NOP58: variants seen among roughly 807,000 people sequenced by gnomAD.
The protein encoded by NOP58 is nucleolar protein 58.
Under a neutral mutation model 71.2 loss-of-function variants are expected in NOP58, and 44 were observed. The observed-to-expected ratio is 0.62, with a 90% CI of 0.49 to 0.79. NOP58 has a LOEUF of 0.79. Ranked by LOEUF, NOP58 falls within the 30% of genes least tolerant of loss-of-function variation. NOP58 has a pLI of 0.00. For missense variants in NOP58, 538 were observed against 620.2 expected, an observed-to-expected ratio of 0.87 and a Z score of 1.41; for synonymous variants, 228 against 200.3, an observed-to-expected ratio of 1.14 and a Z score of -1.17.
At chr2:202,278,910 G>A (rs750785916) in intron 3 of NOP58, among the ~76,000 whole-genome samples, 3 of 152,162 alleles carry the variant, frequency 2.0e-5, no homozygotes, top group Non-Finnish European at 4.4e-5. Flanking sequence ...TGGCAGAGGG[G>A]TAGGCTGAAG....
intron 5 of NOP58, among the ~76,000 whole-genome samples, chr2:202,285,676 T>C (rs1057033864): frequency 6.6e-6 from 1 of 152,072 alleles, no homozygotes; most frequent in Non-Finnish European, 1.5e-5. Context: ...AACCCTATCA[T>C]ATTTCATTAG....
chr2:202,291,470 T>G (rs553613353), intron 8 of NOP58, 200 bp downstream of exon 8: 39 of 399,882 alleles, frequency 9.8e-5, no homozygotes, highest in African/African-American at 7.2e-4. Flanking sequence ...GGAAGTAATT[T>G]ACAATCATCG....
At chr2:202,285,989 TC>T (rs1424330654) in intron 5 of NOP58, among the ~76,000 whole-genome samples, 8 of 151,816 alleles carry the variant, frequency 5.3e-5, no homozygotes, top group Admixed American at 3.3e-4. Context: ...GGTCAGGAGA[TC>T]GAGACCACGG....
chr2:202,292,341 A>G (rs1183349102), intron 8 of NOP58, among the ~76,000 whole-genome samples: 2 of 152,044 alleles, frequency 1.3e-5, no homozygotes, highest in African/African-American at 2.4e-5. Context: ...ATTTTCAGGC[A>G]GTGGACCAAG....
At chr2:202,292,049 C>T (rs568887122) in intron 8 of NOP58, among the ~76,000 whole-genome samples, 18 of 122,550 alleles carry the variant, frequency 1.5e-4, no homozygotes, top group Admixed American at 3.3e-4. Context: ...TGCAGTGGCA[C>T]GTTCTCAGGC....
chr2:202,296,717 TTTTG>T lies in NOP58; in HGVS notation c.1072-634_1072-631del, dbSNP rs144056381. ...AGATTGAAAAAGAACCCACGCTTTT[TTTTG>T]TTTGTTTGTTTGTTTGTTTGTTTGT... On this transcript the variant is annotated intron_variant, in intron 10 of 14. Transcript: ENST00000264279. Among the ~76,000 whole-genome samples the T allele has an allele frequency of 6.9e-3, 1,036 of 149,190 alleles. 5 individuals carry two copies. Among genetic ancestry groups the T allele is most frequent in the East Asian group, 0.012 (61 of 5,048 alleles).
intron 12 of NOP58, 85 bp from the exon 13 acceptor site, chr2:202,300,149 C>A: frequency 8.6e-7 from 1 of 1,163,784 alleles, no homozygotes; most frequent in Admixed American, 2.4e-5. Context: ...TAAGTATTAT[C>A]TAATGGCATT....
chr2:202,288,874 A>G (rs1158456551), intron 6 of NOP58, among the ~76,000 whole-genome samples: 1 of 151,932 alleles, frequency 6.6e-6, no homozygotes, highest in Non-Finnish European at 1.5e-5. Context: ...ATCCTAGCAC[A>G]TTGGGAGGCC....
At chr2:202,285,980 G>A (rs984621285) in intron 5 of NOP58, among the ~76,000 whole-genome samples, 2 of 151,994 alleles carry the variant, frequency 1.3e-5, no homozygotes, top group Non-Finnish European at 2.9e-5. Flanking sequence ...AGATCACAAG[G>A]TCAGGAGATC....
At chr2:202,298,513 G>A (rs1489028564) in intron 12 of NOP58, among the ~76,000 whole-genome samples, 1 of 152,044 alleles carries the variant, frequency 6.6e-6, no homozygotes, top group East Asian at 1.9e-4. Context: ...TTAACTGGGT[G>A]TGGTGGCGGG....
At chr2:202,287,400 T>C (rs778891353) in intron 5 of NOP58, among the ~76,000 whole-genome samples, 86 of 152,140 alleles carry the variant, frequency 5.7e-4, no homozygotes, top group Admixed American at 1.3e-3. Flanking sequence ...CTTATCCTAT[T>C]TGTCATTCAT....
At chr2:202,283,444 A>AT (rs112839981) in intron 4 of NOP58, among the ~76,000 whole-genome samples, 22,221 of 134,594 alleles carry the variant, frequency 0.17, 1,903 homozygotes, top group South Asian at 0.25. Context: ...CCAACCTGTA[A>AT]TTTTTTTTTT....
chr2:202,299,214 T>C (rs1471023062), intron 12 of NOP58, among the ~76,000 whole-genome samples: 2 of 152,178 alleles, frequency 1.3e-5, no homozygotes, highest in South Asian at 2.1e-4. Flanking sequence ...CGCCTTGGCC[T>C]CCCAAAGTGC....
At position 202,297,895 on chromosome 2, in the gene NOP58, T is replaced by C. The variant is rs552656190; in HGVS notation, c.1257T>C (p.Tyr419=). 3.2e-5 allele frequency: 50 copies of C among 1,585,240 alleles called. No individual in the cohort carries two copies. Among genetic ancestry groups the C allele is most frequent in the Non-Finnish European group, 4.1e-5 (48 of 1,166,900 alleles). The change falls in exon 12 of 15, where the codon TAT becomes TAC. Residue 419 remains tyrosine (Y), a synonymous_variant. Coordinates refer to ENST00000264279, the MANE Select transcript of NOP58 (RefSeq NM_015934.5). ...AAGCATTAGCAAAAACAGAAAAATA[T>C]GAACACAAAAGGTGAGTACATTTAA... is the stretch of plus-strand genomic sequence containing the variant. The part of the protein sequence containing the change: ...TGKALAKTEK[Y]EHKSEVKTYD...
intron 13 of NOP58, among the ~76,000 whole-genome samples, chr2:202,301,969 G>T (rs1423256422): frequency 6.6e-6 from 1 of 151,358 alleles, no homozygotes; most frequent in African/African-American, 2.4e-5. Context: ...ATAGGGAAAC[G>T]AATATTTTTG....
At chr2:202,293,023 T>A (rs1688929563) in intron 9 of NOP58, 120 bp downstream of exon 9, 1 of 1,029,082 alleles carries the variant, frequency 9.7e-7, no homozygotes, top group Non-Finnish European at 1.5e-6. Flanking sequence ...CAAAAGTAGA[T>A]GATATGTGGG....
intron 3 of NOP58, among the ~76,000 whole-genome samples, chr2:202,279,686 C>T (rs192299788): frequency 6.8e-4 from 103 of 152,184 alleles, no homozygotes; most frequent in African/African-American, 2.4e-3. Flanking sequence ...CCCAGCTACT[C>T]GGGAGGCTGA....
chr2:202,298,952 ATTTTTTT>A (rs3043921), intron 12 of NOP58, among the ~76,000 whole-genome samples: 59 of 81,460 alleles, frequency 7.2e-4, no homozygotes, highest in African/African-American at 2.5e-3. Flanking sequence ...ATCCTTCAAG[ATTTTTTT>A]TTTTTTTTTT....
intron 8 of NOP58, among the ~76,000 whole-genome samples, chr2:202,292,396 T>C (rs1688918167): frequency 6.6e-6 from 1 of 151,980 alleles, no homozygotes; most frequent in Admixed American, 6.6e-5. Context: ...ACAGCCATCT[T>C]ATAGAAAACT....
Sources: gnomAD v4.1 joint callset for allele counts (sites outside exome capture counted in the v4.1 genomes callset) on GRCh38, gnomAD v4.1.1 for gene constraint, MANE v1.5 for transcripts, NCBI Gene and HGNC (gene_info 2026-07-23, HGNC 2026-07-21) for gene names.